METTL15: variants seen among roughly 807,000 people sequenced by gnomAD.
METTL15 encodes 12S rRNA N(4)-cytidine methyltransferase METTL15.
In METTL15, 34 loss-of-function variants were observed where a neutral mutation model predicts 38.3. That is an observed-to-expected ratio of 0.89 (90% CI 0.68 to 1.18). METTL15 has a LOEUF of 1.18. Ranked by LOEUF, METTL15 falls within the 50% of genes most tolerant of loss-of-function variation. The pLI, the probability that METTL15 is intolerant of heterozygous loss-of-function variation, is 0.00. For missense variants in METTL15, 438 were observed against 498.4 expected (o/e 0.88, Z 1.15); for synonymous variants, 162 against 170.9 (o/e 0.95, Z 0.41).
intron 4 of METTL15, among the ~76,000 whole-genome samples, chr11:28,232,398 C>A (rs1853723908): frequency 6.6e-6 from 1 of 151,654 alleles, no homozygotes; most frequent in Admixed American, 6.6e-5. Context: ...TATAAATAAA[C>A]TTTATTTTTG....
At chr11:28,392,776 G>C (rs1850525021) in intron 5 of METTL15, among the ~76,000 whole-genome samples, 2 of 151,940 alleles carry the variant, frequency 1.3e-5, no homozygotes, top group African/African-American at 2.4e-5. Context: ...TCAATATCCA[G>C]AATATATAAA....
intron 4 of METTL15, among the ~76,000 whole-genome samples, chr11:28,277,971 A>T (rs1161119438): frequency 6.6e-6 from 1 of 152,202 alleles, no homozygotes; most frequent in Admixed American, 6.5e-5. Context: ...GAATAAATTC[A>T]GTGTTTGATT....
chr11:28,171,640 T>C (rs1850861226), intron 3 of METTL15, among the ~76,000 whole-genome samples: 1 of 152,208 alleles, frequency 6.6e-6, no homozygotes, highest in Non-Finnish European at 1.5e-5. Context: ...TGAGCAATGC[T>C]AAATATAGTG....
At chr11:28,469,746 T>C (rs1270166659) in intron 6 of METTL15, among the ~76,000 whole-genome samples, 1 of 152,096 alleles carries the variant, frequency 6.6e-6, no homozygotes, top group Non-Finnish European at 1.5e-5. Context: ...TTAGAGAAAG[T>C]ATGATGATGT....
intron 3 of METTL15, among the ~76,000 whole-genome samples, chr11:28,345,497 T>G (rs1230028082): frequency 6.6e-6 from 1 of 152,206 alleles, no homozygotes; most frequent in East Asian, 1.9e-4. Context: ...GCCTAGTTTA[T>G]CTTTTCTAAC....
At chr11:28,368,342 G>A (rs1330539753) in intron 5 of METTL15, among the ~76,000 whole-genome samples, 1 of 151,954 alleles carries the variant, frequency 6.6e-6, no homozygotes, top group African/African-American at 2.4e-5. Flanking sequence ...CTGGGCAAAG[G>A]ATATGAACAG....
chr11:28,432,924 T>C (rs1454788380), intron 6 of METTL15, among the ~76,000 whole-genome samples: 1 of 66,300 alleles, frequency 1.5e-5, no homozygotes, highest in African/African-American at 5.4e-5. Context: ...CTCCTTTTTT[T>C]CCACATTTTT....
chr11:28,227,331 A>T (rs1206833601), intron 4 of METTL15, among the ~76,000 whole-genome samples: 7 of 151,924 alleles, frequency 4.6e-5, no homozygotes, highest in Admixed American at 4.6e-4. Flanking sequence ...TTTAATTAAA[A>T]TTGTGATCAT....
intron 6 of METTL15, among the ~76,000 whole-genome samples, chr11:28,503,797 A>G (rs549932982): frequency 8.1e-4 from 118 of 145,986 alleles, no homozygotes; most frequent in African/African-American, 2.3e-3. Context: ...TCTCGAGGGG[A>G]AAAAAAAAAA....
rs199717757 is a variant in METTL15, at chr11:28,457,357, T to TA, written c.*424+33000dup. On this transcript the variant is annotated intron_variant and NMD_transcript_variant, in intron 6 of 7. Transcript: ENST00000532947. Reference sequence around the variant, plus strand: ...GTTGTTTTTGTTGTTGTTGTTGTTTTAAAAAAATCCTCTAAGTCATCTTTA... The same window carrying TA: ...GTTGTTTTTGTTGTTGTTGTTGTTTTAAAAAAAATCCTCTAAGTCATCTTTA... Among the ~76,000 whole-genome samples, 710 of 152,276 alleles carry TA rather than the reference T, an allele frequency of 4.7e-3. 1 individual carries two copies. Among genetic ancestry groups the TA allele is most frequent in the African/African-American group, 0.016 (660 of 41,556 alleles).
At chr11:28,526,290 G>A (rs188590689) in intron 6 of METTL15, among the ~76,000 whole-genome samples, 7 of 152,178 alleles carry the variant, frequency 4.6e-5, no homozygotes, top group Non-Finnish European at 8.8e-5. Flanking sequence ...CGCCGAGGCC[G>A]AGGAGGTGCC....
chr11:28,415,541 A>G (rs1262731003), intron 5 of METTL15, among the ~76,000 whole-genome samples: 1 of 152,180 alleles, frequency 6.6e-6, no homozygotes, highest in Non-Finnish European at 1.5e-5. Context: ...GTCAAAAATG[A>G]CTTGTTCAAA....
Position 28,341,277 on chromosome 11 carries a change from G to C in METTL15, c.*190-10813G>C, listed in dbSNP as rs141158670. 6.2e-4 allele frequency among the ~76,000 whole-genome samples: 95 copies of C among 152,176 alleles called. 1 individual carries two copies. The highest frequency in any genetic ancestry group is 2.2e-3 in the African/African-American group (91 of 41,504). ...TGGCACGTGTATACCTATGTGACCT[G>C]CACGTTCTGCACATGTATCTCAAAA... On this transcript the variant is annotated intron_variant and NMD_transcript_variant, in intron 3 of 7. Coordinates refer to the METTL15 transcript ENST00000532947.
intron 6 of METTL15, among the ~76,000 whole-genome samples, chr11:28,466,062 A>G (rs548526578): frequency 3.2e-4 from 49 of 152,270 alleles, no homozygotes; most frequent in African/African-American, 1.1e-3. Context: ...GCTATCTTCA[A>G]TTGAAGTCGG....
chr11:28,194,182 C>T (rs199935558), intron 3 of METTL15, among the ~76,000 whole-genome samples: 298 of 11,642 alleles, frequency 0.026, no homozygotes, highest in Non-Finnish European at 0.031. Context: ...CTTTTTCTCT[C>T]TCTCTCTCTC....
At chr11:28,345,329 C>G (rs975819469) in intron 3 of METTL15, among the ~76,000 whole-genome samples, 1 of 152,130 alleles carries the variant, frequency 6.6e-6, no homozygotes, top group African/African-American at 2.4e-5. Flanking sequence ...GCTGGGACTA[C>G]AGGCGTGCGC....
rs539761204 is a variant in METTL15 at position 28,434,391 on chromosome 11, G to A, written c.*424+10027G>A. Among the ~76,000 whole-genome samples, 11 of 152,146 alleles carry A rather than the reference G, an allele frequency of 7.2e-5. 1 individual carries two copies. Among genetic ancestry groups the A allele is most frequent in the Non-Finnish European group, 1.6e-4 (11 of 68,024 alleles). ...ATTAGCAGTGTGAGAATAAACTAAG[G>A]CAGATGGCATAATCACATCTCTGAC... On this transcript the variant is annotated intron_variant and NMD_transcript_variant, in intron 6 of 7. Coordinates refer to the METTL15 transcript ENST00000532947.
At chr11:28,465,184 C>T (rs111380682) in intron 6 of METTL15, among the ~76,000 whole-genome samples, 6,002 of 152,162 alleles carry the variant, frequency 0.039, 369 homozygotes, top group African/African-American at 0.13. Context: ...AGTCTTTCAA[C>T]GGTAATGACC....
intron 4 of METTL15, among the ~76,000 whole-genome samples, chr11:28,248,291 T>G (rs1304321797): frequency 6.6e-6 from 1 of 152,082 alleles, no homozygotes; most frequent in African/African-American, 2.4e-5. Context: ...GGAAGCTCCA[T>G]CAGAATTTCC....
Sources: gnomAD v4.1 joint callset for allele counts (sites outside exome capture counted in the v4.1 genomes callset) on GRCh38, gnomAD v4.1.1 for gene constraint, MANE v1.5 for transcripts, NCBI Gene and HGNC (gene_info 2026-07-23, HGNC 2026-07-21) for gene names.